RASGRF1: variants seen among roughly 807,000 people sequenced by gnomAD.
RASGRF1 encodes the protein Ras protein specific guanine nucleotide releasing factor 1.
A neutral mutation model predicts 138.7 loss-of-function variants in RASGRF1; 40 were observed. The ratio of observed to expected loss-of-function variants is 0.29; its 90% CI spans 0.22 to 0.38. The LOEUF is 0.38. RASGRF1 is among the 10% of genes least tolerant of loss of function. RASGRF1 has a pLI of 1.00. For missense variants in RASGRF1, 1,108 were observed against 1,650.4 expected (o/e 0.67, Z 5.69); for synonymous variants, 614 against 663.2 (o/e 0.93, Z 1.14).
intron 20 of RASGRF1, 58 bp downstream of exon 20, chr15:78,995,682 C>G: frequency 6.3e-7 from 1 of 1,590,120 alleles, no homozygotes. Context: ...GGTCAGGGGT[C>G]CTGGGCAGGA....
intron 1 of RASGRF1, among the ~76,000 whole-genome samples, chr15:79,084,164 A>G (rs1244211342): frequency 6.6e-6 from 1 of 152,158 alleles, no homozygotes; most frequent in Non-Finnish European, 1.5e-5. Context: ...GAGGCAGAAA[A>G]TCATCGATGA....
At chr15:78,968,158 C>T (rs2055679665) in intron 26 of RASGRF1, among the ~76,000 whole-genome samples, 1 of 151,750 alleles carries the variant, frequency 6.6e-6, no homozygotes, top group Admixed American at 6.6e-5. Context: ...CTCAAGTAGC[C>T]TCCTCCCTCT....
Position 79,085,206 on chromosome 15 carries a change from GAGA to G in RASGRF1, c.276+5014_276+5016del, listed in dbSNP as rs767868381. ...GTGACGTTTAGGCTAAGACCTGCAGGAGAAGAAGGAGCTGTTCATTCTAAGGGC... is the reference window on the plus strand; with the variant it reads ...GTGACGTTTAGGCTAAGACCTGCAGGAGAAGGAGCTGTTCATTCTAAGGGC... On this transcript the variant is annotated intron_variant, in intron 1 of 26. Coordinates refer to ENST00000558480, the MANE Select transcript of RASGRF1 (RefSeq NM_001145648.3). Among the ~76,000 whole-genome samples the G allele has an allele frequency of 4.6e-5, 7 of 152,366 alleles. No individual in the cohort carries two copies. The East Asian group carries it at 7.7e-4, about 17-fold the overall frequency.
intron 13 of RASGRF1, among the ~76,000 whole-genome samples, chr15:79,009,932 C>T (rs930458979): frequency 3.3e-5 from 5 of 151,718 alleles, no homozygotes; most frequent in African/African-American, 4.8e-5. Flanking sequence ...ACTGTGTTGC[C>T]CAGGCTGGTC....
rs2058045853 is a variant in RASGRF1, at chr15:79,090,732, C to T, written c.-234G>A. On this transcript the variant is annotated 5_prime_UTR_variant, in exon 1 of 27. Coordinates refer to ENST00000558480, the MANE Select transcript of RASGRF1 (RefSeq NM_001145648.3). ...CTCCGCTCCGCAGAGCCCCAGTACC[C>T]GGAAGATGCCGCCCGACCCTCCTCC... The T allele has an allele frequency of 1.6e-5, 9 of 576,044 alleles. No individual in the cohort carries two copies. The South Asian group carries it at 2.1e-4, about 13-fold the overall frequency. 35.7% of individuals were successfully genotyped at this position (576,044 alleles called of 1,614,324 possible).
chr15:78,997,530 T>G (rs1808949), intron 19 of RASGRF1, among the ~76,000 whole-genome samples: 1 of 152,056 alleles, frequency 6.6e-6, no homozygotes, highest in Admixed American at 6.5e-5. Context: ...GTCAGGAGAC[T>G]GAGACCAGCC....
chr15:78,974,697 C>T (rs887475082), intron 24 of RASGRF1, among the ~76,000 whole-genome samples: 8 of 152,194 alleles, frequency 5.3e-5, no homozygotes, highest in Non-Finnish European at 7.3e-5. Context: ...TGATACTTGC[C>T]ATTCTCCTCC....
intron 1 of RASGRF1, among the ~76,000 whole-genome samples, chr15:79,071,091 G>A (rs910111011): frequency 1.3e-5 from 2 of 152,246 alleles, no homozygotes; most frequent in Admixed American, 1.3e-4. Context: ...TCCCCAAGGA[G>A]CAAATATGCA....
chr15:79,005,135 T>C, intron 14 of RASGRF1: 1 of 985,380 alleles, frequency 1.0e-6, no homozygotes, highest in Non-Finnish European at 1.2e-6. Flanking sequence ...ATCTGATCAT[T>C]GAGGTTTCAG....
chr15:78,978,775 C>T (rs2055943450), intron 24 of RASGRF1: 1 of 1,120,014 alleles, frequency 8.9e-7, no homozygotes, highest in African/African-American at 1.6e-5. Flanking sequence ...GCATTTGCCC[C>T]AGGTTTCCCC....
chr15:78,974,533 G>C lies in RASGRF1; in HGVS notation c.3495-1113C>G, dbSNP rs192434865. On this transcript the variant is annotated intron_variant, in intron 24 of 26. Coordinates refer to ENST00000558480, the MANE Select transcript of RASGRF1 (RefSeq NM_001145648.3). ...GCTCCTCATGTATAAAGCAATGATA[G>C]CAGCTAAGACAGTTTTAGGTGGTCT... Among the ~76,000 whole-genome samples, 139 of 152,342 alleles carry C rather than the reference G, an allele frequency of 9.1e-4. 2 individuals are homozygous for C. In the East Asian group the frequency reaches 0.012, roughly 13 times the overall value.
intron 4 of RASGRF1, 86 bp from the exon 5 acceptor site, chr15:79,047,085 A>G: frequency 6.6e-7 from 1 of 1,517,282 alleles, no homozygotes; most frequent in Non-Finnish European, 8.9e-7. Flanking sequence ...CCCCAAGGGT[A>G]GGAACCAAGG....
chr15:79,017,393 A>G (rs1311265060), intron 12 of RASGRF1, among the ~76,000 whole-genome samples: 1 of 152,206 alleles, frequency 6.6e-6, no homozygotes, highest in Non-Finnish European at 1.5e-5. Context: ...GTGCGTATCA[A>G]TGACCTGGGG....
At chr15:79,024,005 C>A (rs1178793397) in intron 10 of RASGRF1, among the ~76,000 whole-genome samples, 1 of 140,834 alleles carries the variant, frequency 7.1e-6, no homozygotes, top group East Asian at 2.1e-4. Flanking sequence ...CATAGACACA[C>A]ACAGATACAC....
intron 1 of RASGRF1, among the ~76,000 whole-genome samples, chr15:79,074,584 T>C (rs1214765927): frequency 2.0e-5 from 3 of 152,116 alleles, no homozygotes; most frequent in Non-Finnish European, 4.4e-5. Flanking sequence ...GAAAGACCCT[T>C]ATCGTGAGCC....
intron 12 of RASGRF1, among the ~76,000 whole-genome samples, chr15:79,016,169 G>A (rs574629789): frequency 2.3e-4 from 35 of 152,200 alleles, no homozygotes; most frequent in Non-Finnish European, 4.1e-4. Flanking sequence ...TTGGCATAGC[G>A]ATAGGGAAGG....
chr15:78,984,312 CA>C (rs2056101398), intron 23 of RASGRF1: 1 of 152,958 alleles, frequency 6.5e-6, no homozygotes, highest in African/African-American at 2.4e-5. Flanking sequence ...GGGCATCCAC[CA>C]AGTGCACCAA....
chr15:79,048,804 C>T (rs13379989), intron 4 of RASGRF1, among the ~76,000 whole-genome samples: 2,321 of 152,342 alleles, frequency 0.015, 36 homozygotes, highest in African/African-American at 0.039. Flanking sequence ...GGGGTCCTTT[C>T]ATGCACTCAA....
Position 79,021,073 on chromosome 15 carries a change from C to T in RASGRF1, c.1543-969G>A, listed in dbSNP as rs1233196213. Among the ~76,000 whole-genome samples, 3 of 152,300 alleles carry T rather than the reference C, an allele frequency of 2.0e-5. No individual in the cohort carries two copies. In the South Asian group the frequency reaches 6.2e-4, roughly 32 times the overall value. ...AGGCATATCATCTTGGAAAAGGATA[C>T]CCCGGCCCCAGTTGAACCTTCGGAA... On this transcript the variant is annotated intron_variant, in intron 10 of 26. Coordinates refer to ENST00000558480, the MANE Select transcript of RASGRF1 (RefSeq NM_001145648.3).
Sources: gnomAD v4.1 joint callset for allele counts (sites outside exome capture counted in the v4.1 genomes callset) on GRCh38, gnomAD v4.1.1 for gene constraint, MANE v1.5 for transcripts, NCBI Gene and HGNC (gene_info 2026-07-23, HGNC 2026-07-21) for gene names.